The following LPAR6 variants were observed in gnomAD, a reference collection of about 807,000 sequenced individuals.
The protein encoded by LPAR6 is lysophosphatidic acid receptor 6, also known as G-protein coupled purinergic receptor P2Y5.
In LPAR6, 17 loss-of-function variants were observed where a neutral mutation model predicts 22.0. The ratio of observed to expected loss-of-function variants is 0.77; its 90% CI spans 0.53 to 1.16. The LOEUF is 1.16. LPAR6 is among the 50% of genes most tolerant of loss of function. The pLI, the probability that LPAR6 is intolerant of heterozygous loss-of-function variation, is 0.00. For missense variants in LPAR6, 384 were observed against 406.9 expected (o/e 0.94, Z 0.48); for synonymous variants, 136 against 139.8 (o/e 0.97, Z 0.19).
intron 1 of LPAR6, among the ~76,000 whole-genome samples, chr13:48,400,005 G>A (rs866606884): frequency 4.6e-5 from 7 of 151,924 alleles, no homozygotes; most frequent in Non-Finnish European, 1.0e-4. Flanking sequence ...ATTGGCAAAA[G>A]GGACTAAGAA....
At chr13:48,421,558 A>G (rs973755588) in intron 2 of LPAR6, among the ~76,000 whole-genome samples, 4 of 152,238 alleles carry the variant, frequency 2.6e-5, no homozygotes, top group African/African-American at 7.2e-5. Flanking sequence ...AGCAAAAGAA[A>G]CTATCATCAG....
At chr13:48,424,603 C>CTT (rs5803436) in intron 1 of LPAR6, among the ~76,000 whole-genome samples, 3 of 152,194 alleles carry the variant, frequency 2.0e-5, no homozygotes, top group South Asian at 4.2e-4. Context: ...TCTTCCTTAT[C>CTT]TTTTTTTCCG....
chr13:48,405,787 C>A (rs751859246), intron 1 of LPAR6, among the ~76,000 whole-genome samples: 2 of 152,120 alleles, frequency 1.3e-5, no homozygotes, highest in African/African-American at 2.4e-5. Context: ...CATTTCCAAC[C>A]CCACCCTTGT....
upstream of LPAR6, among the ~76,000 whole-genome samples, chr13:48,430,840 G>A (rs1036649259): frequency 6.6e-6 from 1 of 152,038 alleles, no homozygotes; most frequent in African/African-American, 2.4e-5. Context: ...CAGAAGGATT[G>A]ATTTCTGGAG....
intron 1 of LPAR6, among the ~76,000 whole-genome samples, chr13:48,423,094 T>C (rs907244334): frequency 3.9e-5 from 6 of 152,154 alleles, no homozygotes; most frequent in Non-Finnish European, 8.8e-5. Flanking sequence ...TGTACCATTT[T>C]ACTCCATCCT....
chr13:48,416,464 A>G (rs1948912431), upstream of LPAR6: 1 of 152,534 alleles, frequency 6.6e-6, no homozygotes, highest in African/African-American at 2.4e-5. Flanking sequence ...TCGGGTGCCT[A>G]CACCACCCAG....
chr13:48,425,991 G>A (rs1317037371), intron 1 of LPAR6, among the ~76,000 whole-genome samples: 1 of 152,160 alleles, frequency 6.6e-6, no homozygotes, highest in African/African-American at 2.4e-5. Context: ...ACCCAACCCA[G>A]TTCCTTATAC....
At position 48,412,205 on chromosome 13, in the gene LPAR6, C is replaced by T; in HGVS notation, c.219G>A (p.Arg73=). ...DLLFVFTLPF[R]IFYFTTRNWP... ...AATTCCGTGTTGTGAAGTAAAAAATCCTGAAGGGTAAAGTAAAAACAAAAA... is the reference window on the plus strand; with the variant it reads ...AATTCCGTGTTGTGAAGTAAAAAATTCTGAAGGGTAAAGTAAAAACAAAAA... Residue 73 remains arginine, a synonymous_variant, in exon 1 of 1, where the codon AGG becomes AGA. Coordinates refer to ENST00000620633, the MANE Select transcript of LPAR6 (RefSeq NM_001162498.3). The T allele has an allele frequency of 6.2e-7, 1 of 1,613,864 alleles. No individual in the cohort carries two copies. Among genetic ancestry groups the T allele is most frequent in the African/African-American group, 1.3e-5 (1 of 75,014 alleles).
chr13:48,430,631 T>G (rs1368007040), upstream of LPAR6, among the ~76,000 whole-genome samples: 5 of 152,024 alleles, frequency 3.3e-5, no homozygotes, highest in Non-Finnish European at 2.9e-5. Context: ...TCCCAGATAC[T>G]CGGAAGGCTG....
chr13:48,442,647 T>A (rs938402049), intron 1 of LPAR6, among the ~76,000 whole-genome samples: 2 of 152,178 alleles, frequency 1.3e-5, no homozygotes, highest in African/African-American at 4.8e-5. Flanking sequence ...TGACTTCTGT[T>A]AACACCTCAT....
chr13:48,427,064 A>G (rs1949089860), upstream of LPAR6, among the ~76,000 whole-genome samples: 1 of 152,230 alleles, frequency 6.6e-6, no homozygotes, highest in South Asian at 2.1e-4. Context: ...CTCGGTTATC[A>G]CCAAGGGGGT....
downstream of LPAR6, among the ~76,000 whole-genome samples, chr13:48,408,389 A>G (rs149495106): frequency 6.1e-4 from 93 of 152,154 alleles, 1 homozygote; most frequent in African/African-American, 2.2e-3. Flanking sequence ...ACACCTGAAA[A>G]ATTTTCTCAG....
At chr13:48,428,881 A>G (rs1351731017), upstream of LPAR6, among the ~76,000 whole-genome samples, 1 of 152,264 alleles carries the variant, frequency 6.6e-6, no homozygotes, top group Non-Finnish European at 1.5e-5. Context: ...CAGAAATCCA[A>G]GTACTCTTCA....
chr13:48,391,130 ATTG>A, intron 1 of LPAR6, among the ~76,000 whole-genome samples: 1 of 151,042 alleles, frequency 6.6e-6, no homozygotes, highest in Non-Finnish European at 1.5e-5. Flanking sequence ...TTATTTTGTA[ATTG>A]TTTTTTGATT....
upstream of LPAR6, among the ~76,000 whole-genome samples, chr13:48,429,760 G>T (rs1344041643): frequency 6.6e-6 from 1 of 152,086 alleles, no homozygotes; most frequent in African/African-American, 2.4e-5. Context: ...GACAATTTAT[G>T]TACCAGCAGT....
At chr13:48,415,148 G>A (rs1323401996), upstream of LPAR6, among the ~76,000 whole-genome samples, 1 of 150,128 alleles carries the variant, frequency 6.7e-6, no homozygotes, top group Non-Finnish European at 1.5e-5. Context: ...TTTTGAATAT[G>A]GCGGCATTTT....
At chr13:48,431,449 A>T (rs1422508162), upstream of LPAR6, among the ~76,000 whole-genome samples, 1 of 152,202 alleles carries the variant, frequency 6.6e-6, no homozygotes, top group Non-Finnish European at 1.5e-5. Flanking sequence ...ACCCACTTGG[A>T]ATTCAAAGAG....
Position 48,412,669 on chromosome 13 carries a change from G to GA in LPAR6, c.-247dup. On this transcript the variant is annotated 5_prime_UTR_variant, in exon 1 of 1. Transcript: ENST00000620633. ...ATTTGTTAGTCTTTAGAAAATCCATGAATTCCAAGGCTCAGTTAACTGACG... is the reference window on the plus strand; with the variant it reads ...ATTTGTTAGTCTTTAGAAAATCCATGAAATTCCAAGGCTCAGTTAACTGACG... 1 of 537,196 alleles carries GA rather than the reference G, an allele frequency of 1.9e-6. No homozygotes were observed. The highest frequency in any genetic ancestry group is 3.4e-6 in the Non-Finnish European group (1 of 290,930). 33.3% of individuals were successfully genotyped at this position (537,196 alleles called of 1,614,324 possible).
chr13:48,443,670 T>C (rs1265927502), intron 1 of LPAR6, among the ~76,000 whole-genome samples: 1 of 152,224 alleles, frequency 6.6e-6, no homozygotes, highest in Non-Finnish European at 1.5e-5. Context: ...GCTTTTATTG[T>C]CAGTTTAGTG....
Sources: allele counts gnomAD v4.1 joint callset (sites outside exome capture counted in the v4.1 genomes callset), GRCh38; gene constraint gnomAD v4.1.1; transcripts MANE v1.5; gene names NCBI Gene and HGNC (gene_info 2026-07-23, HGNC 2026-07-21).